Variants in AFAP1 observed in about 807,000 individuals in gnomAD.
AFAP1 encodes actin filament-associated protein 1.
A neutral mutation model predicts 93.9 loss-of-function variants in AFAP1; 75 were observed. The observed-to-expected ratio is 0.80, with a 90% confidence interval of 0.66 to 0.97. The LOEUF (loss-of-function observed/expected upper bound fraction) is 0.97, where lower values mean the gene tolerates loss of function less well. AFAP1 is among the 50% of genes least tolerant of loss of function. The pLI is 0.00. For missense variants in AFAP1, 1,201 were observed against 1,050.8 expected (o/e 1.14, Z -1.98); for synonymous variants, 517 against 430.7 (o/e 1.20, Z -2.48).
chr4:7,819,054 C>A (rs749804639), intron 7 of AFAP1, 22 bp downstream of exon 7: 3 of 1,570,374 alleles, frequency 1.9e-6, no homozygotes, highest in East Asian at 2.3e-5. Context: ...CCGTCCCCAC[C>A]CAGCAAGAGC....
chr4:7,938,788 G>A (rs1221719102), intron 1 of AFAP1, among the ~76,000 whole-genome samples: 1 of 152,082 alleles, frequency 6.6e-6, no homozygotes, highest in Admixed American at 6.5e-5. Context: ...CCGGGCAGTA[G>A]GGCCCTGCTC....
intron 13 of AFAP1, among the ~76,000 whole-genome samples, chr4:7,780,886 A>G (rs1716697931): frequency 6.6e-6 from 1 of 152,204 alleles, no homozygotes; most frequent in Admixed American, 6.5e-5. Context: ...TATTATCATC[A>G]TCTAGTTTTT....
chr4:7,854,018 T>A (rs1560200772), intron 4 of AFAP1, among the ~76,000 whole-genome samples: 1 of 151,938 alleles, frequency 6.6e-6, no homozygotes. Context: ...GCCCCCAAAA[T>A]CAAACAATCA....
At chr4:7,844,550 C>G (rs530318564) in intron 4 of AFAP1, among the ~76,000 whole-genome samples, 13 of 152,236 alleles carry the variant, frequency 8.5e-5, no homozygotes, top group Non-Finnish European at 1.9e-4. Context: ...CACCTCAACA[C>G]TGGCCCCCAC....
intron 4 of AFAP1, among the ~76,000 whole-genome samples, chr4:7,846,835 A>T (rs1713761412): frequency 6.6e-6 from 1 of 152,194 alleles, no homozygotes; most frequent in Admixed American, 6.5e-5. Flanking sequence ...TCTTATTCAG[A>T]GAAAAGGAAG....
At chr4:7,770,463 A>C (rs1715275776) in intron 16 of AFAP1, among the ~76,000 whole-genome samples, 1 of 152,204 alleles carries the variant, frequency 6.6e-6, no homozygotes. Flanking sequence ...GGAGGGGCAG[A>C]GGACACTGCA....
chr4:7,801,260 T>C (rs1718993936), intron 9 of AFAP1, among the ~76,000 whole-genome samples: 1 of 152,190 alleles, frequency 6.6e-6, no homozygotes, highest in Admixed American at 6.5e-5. Flanking sequence ...ACCTGCCGCC[T>C]TCCTGCTCCT....
chr4:7,849,126 G>A (rs901428891), intron 4 of AFAP1, among the ~76,000 whole-genome samples: 4 of 152,266 alleles, frequency 2.6e-5, no homozygotes, highest in East Asian at 1.9e-4. Flanking sequence ...GGACTGGAGC[G>A]CCACGCAGAC....
At chr4:7,801,755 A>G (rs1719052605) in intron 9 of AFAP1, among the ~76,000 whole-genome samples, 1 of 151,898 alleles carries the variant, frequency 6.6e-6, no homozygotes, top group Non-Finnish European at 1.5e-5. Flanking sequence ...TACCTCAAAA[A>G]TGTTAAGAAA....
At chr4:7,934,139 C>T (rs888372768) in intron 1 of AFAP1, among the ~76,000 whole-genome samples, 9 of 152,178 alleles carry the variant, frequency 5.9e-5, no homozygotes, top group Non-Finnish European at 8.8e-5. Flanking sequence ...TTATAAATGG[C>T]CCAGAACACC....
intron 15 of AFAP1, 21 bp from the exon 16 acceptor site, chr4:7,773,031 G>T (rs768915585): frequency 5.6e-6 from 9 of 1,601,298 alleles, no homozygotes; most frequent in African/African-American, 4.0e-5. Flanking sequence ...CAGAAACGCC[G>T]TTACTCCCGC....
chr4:7,908,923 CCAAA>C (rs5855992), intron 1 of AFAP1, among the ~76,000 whole-genome samples: 39,700 of 151,906 alleles, frequency 0.26, 5,421 homozygotes, highest in South Asian at 0.42. Context: ...GGAAGTGAAA[CCAAA>C]CAAACAAAGC....
At chr4:7,920,050 G>A (rs2385900) in intron 1 of AFAP1, among the ~76,000 whole-genome samples, 86,004 of 152,020 alleles carry the variant, frequency 0.57, 26,917 homozygotes, top group East Asian at 0.83. Context: ...ATTGATGGGC[G>A]TTTGGGTTGA....
At position 7,855,566 on chromosome 4, in the gene AFAP1, G is replaced by A. The variant is rs62289316; in HGVS notation, c.234C>T (p.Asp78=). 1.4e-5 allele frequency: 23 copies of A among 1,612,106 alleles called. No homozygotes were observed. Among genetic ancestry groups the A allele is most frequent in the Non-Finnish European group, 1.8e-5 (21 of 1,178,336 alleles). The change falls in exon 4 of 18, where the codon GAC becomes GAT. Residue 78 remains aspartate, a synonymous_variant. Transcript: ENST00000420658. ...ATGTTGGCAATGGTGGAGGCCCACT[G>A]TCAGGAGGCTGAGGAAGAAAGGAAA... is the stretch of plus-strand genomic sequence containing the variant. ...PEIPQPWLPP[D]SGPPPLPTSS...
chr4:7,799,126 A>G (rs1409125757), intron 10 of AFAP1: 1 of 979,272 alleles, frequency 1.0e-6, no homozygotes, highest in African/African-American at 1.8e-5. Context: ...AAGCTGAGAG[A>G]GAACAAAAGC....
chr4:7,869,020 A>G (rs1042754401), intron 2 of AFAP1, among the ~76,000 whole-genome samples: 4 of 151,418 alleles, frequency 2.6e-5, no homozygotes, highest in African/African-American at 9.7e-5. Flanking sequence ...GGAAAGGGAA[A>G]GGGAAAGAAA....
intron 3 of AFAP1, among the ~76,000 whole-genome samples, chr4:7,867,222 G>A (rs971167156): frequency 2.6e-5 from 4 of 152,092 alleles, no homozygotes; most frequent in South Asian, 2.1e-4. Flanking sequence ...TCAGATGGCC[G>A]GGTGGTTGGC....
intron 2 of AFAP1, among the ~76,000 whole-genome samples, chr4:7,869,064 AAG>A (rs1440512486): frequency 6.6e-6 from 1 of 151,766 alleles, no homozygotes; most frequent in African/African-American, 2.4e-5. Flanking sequence ...GAGAAAGGGA[AAG>A]AGAAAAGAAA....
At chr4:7,797,447 C>A (rs561633263) in intron 10 of AFAP1, among the ~76,000 whole-genome samples, 1 of 152,274 alleles carries the variant, frequency 6.6e-6, no homozygotes, top group African/African-American at 2.4e-5. Context: ...CCTGATGTAA[C>A]GCAGCATGAA....
Sources: allele counts gnomAD v4.1 joint callset (sites outside exome capture counted in the v4.1 genomes callset), GRCh38; gene constraint gnomAD v4.1.1; transcripts MANE v1.5; gene names NCBI Gene and HGNC (gene_info 2026-07-23, HGNC 2026-07-21).